The following TCP10L variants were observed in gnomAD, a reference collection of about 807,000 sequenced individuals.
TCP10L encodes the protein t-complex 10 like.
Under a neutral mutation model 19.2 loss-of-function variants are expected in TCP10L, and 11 were observed. That is an observed-to-expected ratio of 0.57 (90% CI 0.36 to 0.95). TCP10L has a LOEUF of 0.95. Among genes scored for constraint, TCP10L ranks in the 40% least tolerant of loss-of-function variants. The pLI is 0.01. For missense variants in TCP10L, 247 were observed against 263.9 expected (o/e 0.94, Z 0.44); for synonymous variants, 96 against 97.2 (o/e 0.99, Z 0.07).
chr21:32,583,355 C>G (rs1000120043), intron 2 of TCP10L, among the ~76,000 whole-genome samples: 1 of 151,516 alleles, frequency 6.6e-6, no homozygotes, highest in Non-Finnish European at 1.5e-5. Context: ...TTTGGGAGGC[C>G]GAGGCGGGCG....
chr21:32,582,466 C>A lies in TCP10L; in HGVS notation c.145-51G>T. Reference sequence around the variant, plus strand: ...AAAACCTCTCAGATGTCACAATGGGCACATTTATCTGCAAAATACTCAAGC... The same window carrying A: ...AAAACCTCTCAGATGTCACAATGGGAACATTTATCTGCAAAATACTCAAGC... On this transcript the variant is annotated intron_variant, in intron 2 of 4. Transcript: ENST00000300258. The surrounding 1 kb of genome is among the most constrained non-coding windows in gnomAD (Gnocchi z 4.2). 1 of 1,549,092 alleles carries A rather than the reference C, an allele frequency of 6.5e-7. No homozygotes were observed.
At position 32,573,877 on chromosome 21, in the gene TCP10L, C is replaced by G. The variant is rs973615908; in HGVS notation, c.*2897G>C. Among the ~76,000 whole-genome samples the G allele has an allele frequency of 2.6e-5, 4 of 152,166 alleles. No individual in the cohort carries two copies. The highest frequency in any genetic ancestry group is 9.7e-5 in the African/African-American group (4 of 41,436). On this transcript the variant is annotated 3_prime_UTR_variant, in exon 5 of 5. Transcript: ENST00000300258. ...AACATACAAATAACACCTGCCATGACTGTGGCACTGTTTCTAAATGCAGAT... is the reference window on the plus strand; with the variant it reads ...AACATACAAATAACACCTGCCATGAGTGTGGCACTGTTTCTAAATGCAGAT...
chr21:32,582,084 C>T lies in TCP10L; in HGVS notation c.360+116G>A, dbSNP rs2038500699. 1 of 1,208,822 alleles carries T rather than the reference C, an allele frequency of 8.3e-7. No homozygotes were observed. The highest frequency in any genetic ancestry group is 1.2e-6 in the Non-Finnish European group (1 of 850,700). 74.9% of individuals were successfully genotyped at this position (1,208,822 alleles called of 1,614,324 possible). ...GTTGATGGAAAGATAGCAACCCCTC[C>T]CACCACCCGGAGCGTGAGTGATACC... On this transcript the variant is annotated intron_variant, in intron 3 of 4. Transcript: ENST00000300258. The surrounding 1 kb of genome is among the most constrained non-coding windows in gnomAD (Gnocchi z 4.2).
intron 2 of TCP10L, among the ~76,000 whole-genome samples, chr21:32,583,043 T>C (rs2038514325): frequency 8.4e-6 from 1 of 118,844 alleles, no homozygotes; most frequent in Non-Finnish European, 1.8e-5. Flanking sequence ...TTTTTTTTTT[T>C]TTTTTTTTTG....
rs1480649059 is a variant in TCP10L, at chr21:32,582,992, T to A, written c.145-577A>T. Among the ~76,000 whole-genome samples, 1 of 149,818 alleles carries A rather than the reference T, an allele frequency of 6.7e-6. No homozygotes were observed. Among genetic ancestry groups the A allele is most frequent in the African/African-American group, 2.4e-5 (1 of 40,828 alleles). ...AATTATGATTTTTTTGTTAAAACAC[T>A]ACTACAGCAAAAAGAGGCTGGCATT... On this transcript the variant is annotated intron_variant, in intron 2 of 4. Coordinates refer to ENST00000300258, the MANE Select transcript of TCP10L (RefSeq NM_144659.7). This position sits in a 1 kb window ranked among gnomAD's most constrained non-coding sequence, Gnocchi z 4.2.
At chr21:32,579,931 T>C (rs2038473393) in intron 3 of TCP10L, among the ~76,000 whole-genome samples, 1 of 152,104 alleles carries the variant, frequency 6.6e-6, no homozygotes. Context: ...TGCTCTTCCT[T>C]CCGCAGAAGG....
rs1302696002 is a variant in TCP10L, at chr21:32,574,412, G to GAC, written c.*2360_*2361dup. Among the ~76,000 whole-genome samples the GAC allele has an allele frequency of 6.6e-6, 1 of 152,178 alleles. No homozygotes were observed. Among genetic ancestry groups the GAC allele is most frequent in the East Asian group, 1.9e-4 (1 of 5,198 alleles). On this transcript the variant is annotated 3_prime_UTR_variant, in exon 5 of 5. Coordinates refer to ENST00000300258, the MANE Select transcript of TCP10L (RefSeq NM_144659.7). Reference sequence around the variant, plus strand: ...AAGGCTGAACCTCAGGAAATAAAGAGACATTTGGAATCATCTTAATTTTCT... The same window carrying GAC: ...AAGGCTGAACCTCAGGAAATAAAGAGACACATTTGGAATCATCTTAATTTTCT...
Position 32,582,357 on chromosome 21 carries a change from C to G in TCP10L, c.203G>C (p.Trp68Ser), listed in dbSNP as rs776304208. 1.2e-6 allele frequency: 2 copies of G among 1,613,958 alleles called. No homozygotes were observed. The highest frequency in any genetic ancestry group is 1.7e-6 in the Non-Finnish European group (2 of 1,180,004). Reference sequence around the variant, plus strand: ...CCGGAGTTTTCCATGAACATCAGCCCACAGAGACTTCTGTCTCCCAAGCTC... The same window carrying G: ...CCGGAGTTTTCCATGAACATCAGCCGACAGAGACTTCTGTCTCCCAAGCTC... ...HQELGRQKSL[W>S]ADVHGKLRSH... The change falls in exon 3 of 5, where the codon TGG becomes TCG. Residue 68 changes from tryptophan (W) to serine (S), a missense_variant. Transcript: ENST00000300258. This position sits in a 1 kb window ranked among gnomAD's most constrained non-coding sequence, Gnocchi z 4.2.
rs1436058379 is a variant in TCP10L at position 32,582,757 on chromosome 21, T to C, written c.145-342A>G. Among the ~76,000 whole-genome samples the C allele has an allele frequency of 6.6e-6, 1 of 152,024 alleles. No individual in the cohort carries two copies. Among genetic ancestry groups the C allele is most frequent in the Non-Finnish European group, 1.5e-5 (1 of 68,026 alleles). ...ACAGGCATGTGCCACCATACTTCGC[T>C]AATTTTTGTATTTTTACTCGGGATG... is the stretch of plus-strand genomic sequence containing the variant. On this transcript the variant is annotated intron_variant, in intron 2 of 4. Coordinates refer to ENST00000300258, the MANE Select transcript of TCP10L (RefSeq NM_144659.7). This position sits in a 1 kb window ranked among gnomAD's most constrained non-coding sequence, Gnocchi z 4.2.
At position 32,585,451 on chromosome 21, in the gene TCP10L, C is replaced by G. The variant is rs991132008; in HGVS notation, c.-32G>C. On this transcript the variant is annotated 5_prime_UTR_variant, in exon 1 of 5. It removes the in-frame stop codon of an upstream open reading frame in the 5' UTR. Coordinates refer to ENST00000300258, the MANE Select transcript of TCP10L (RefSeq NM_144659.7). ...CCCCAACAGTCACTACTGCCAGGATCAGATCATCTGGGCCATGTCCCCACA... is the reference window on the plus strand; with the variant it reads ...CCCCAACAGTCACTACTGCCAGGATGAGATCATCTGGGCCATGTCCCCACA... 1.2e-5 allele frequency: 2 copies of G among 162,644 alleles called. No homozygotes were observed. The highest frequency in any genetic ancestry group is 2.4e-5 in the African/African-American group (1 of 41,602). The allele number at this position is 162,644 out of a possible 1,614,324, so 10.1% of individuals were successfully genotyped here. A position where few individuals can be genotyped will look rare whatever the true frequency, so the allele number is the denominator to read the frequency against.
rs899208953 is a variant in TCP10L at position 32,575,608 on chromosome 21, C to G, written c.*1166G>C. 18 of 153,180 alleles carry G rather than the reference C, an allele frequency of 1.2e-4. No individual in the cohort carries two copies. The highest frequency in any genetic ancestry group is 1.0e-3 in the Admixed American group (16 of 15,294). The allele number at this position is 153,180 out of a possible 1,614,324, so 9.5% of individuals were successfully genotyped here. ...CTGAAGCTCGGCCACACCTGAGGCT[C>G]GGCCACCACATAGGCCCCGTTTCTT... On this transcript the variant is annotated 3_prime_UTR_variant, in exon 5 of 5. Transcript: ENST00000300258.
chr21:32,576,763 C>A lies in TCP10L; in HGVS notation c.*11G>T, dbSNP rs766611195. The A allele has an allele frequency of 8.1e-6, 13 of 1,611,618 alleles. No homozygotes were observed. The African/African-American group carries it at 1.2e-4, about 15-fold the overall frequency. ...AGAGTGACACAGGTGTCCGAGGCCA[C>A]CTTTCCATCTTCAGACACCCCCCCG... On this transcript the variant is annotated 3_prime_UTR_variant, in exon 5 of 5. Coordinates refer to ENST00000300258, the MANE Select transcript of TCP10L (RefSeq NM_144659.7).
chr21:32,583,707 T>C (rs1376561865), intron 2 of TCP10L, among the ~76,000 whole-genome samples: 1 of 151,462 alleles, frequency 6.6e-6, no homozygotes, highest in Non-Finnish European at 1.5e-5. Context: ...GCTCTGAGAA[T>C]AAGTGGGATC....
Position 32,582,824 on chromosome 21 carries a change from C to T in TCP10L, c.145-409G>A, listed in dbSNP as rs774271600. Among the ~76,000 whole-genome samples the T allele has an allele frequency of 3.3e-5, 5 of 151,554 alleles. No homozygotes were observed. The highest frequency in any genetic ancestry group is 7.4e-5 in the Non-Finnish European group (5 of 67,898). On this transcript the variant is annotated intron_variant, in intron 2 of 4. Transcript: ENST00000300258. This position sits in a 1 kb window ranked among gnomAD's most constrained non-coding sequence, Gnocchi z 4.2. ...CCCAGACTGGTCTCAAACTCCTGGGCTCAAGCAATCCACCTGCCTCGGCCT... is the reference window on the plus strand; with the variant it reads ...CCCAGACTGGTCTCAAACTCCTGGGTTCAAGCAATCCACCTGCCTCGGCCT...
At position 32,582,267 on chromosome 21, in the gene TCP10L, AGCT is replaced by A; in HGVS notation, c.290_292del (p.Gln97del). 1 of 1,614,178 alleles carries A rather than the reference AGCT, an allele frequency of 6.2e-7. No individual in the cohort carries two copies. The highest frequency in any genetic ancestry group is 8.5e-7 in the Non-Finnish European group (1 of 1,180,040). Reference sequence around the variant, plus strand: ...TTTCTTCCTGGCTTTCCACCGCTGCAGCTGCAGAGCTCTCAGCTTTTCTCGGAG... The same window carrying A: ...TTTCTTCCTGGCTTTCCACCGCTGCAGCAGAGCTCTCAGCTTTTCTCGGAG... On this transcript the variant is annotated inframe_deletion, in exon 3 of 5. Coordinates refer to ENST00000300258, the MANE Select transcript of TCP10L (RefSeq NM_144659.7). The surrounding 1 kb of genome is among the most constrained non-coding windows in gnomAD (Gnocchi z 4.2).
chr21:32,582,291 C>T lies in TCP10L; in HGVS notation c.269G>A (p.Arg90Gln), dbSNP rs151233771. The T allele has an allele frequency of 1.4e-5, 23 of 1,614,156 alleles. No individual in the cohort carries two copies. The highest frequency in any genetic ancestry group is 1.9e-5 in the Non-Finnish European group (22 of 1,180,040). Residue 90 changes from arginine (R) to glutamine (Q), a missense_variant, in exon 3 of 5, where the codon CGA (arginine) becomes CAA (glutamine). Arg to Gln is a conservative substitution (Grantham distance 43, BLOSUM62 1). Coordinates refer to ENST00000300258, the MANE Select transcript of TCP10L (RefSeq NM_144659.7). This position sits in a 1 kb window ranked among gnomAD's most constrained non-coding sequence, Gnocchi z 4.2. ...DALREQNMEL[R>Q]EKLRALQLQR... Reference sequence around the variant, plus strand: ...CAGCTGCAGAGCTCTCAGCTTTTCTCGGAGCTCCATGTTCTGCTCCCTCAA... The same window carrying T: ...CAGCTGCAGAGCTCTCAGCTTTTCTTGGAGCTCCATGTTCTGCTCCCTCAA...
Position 32,578,648 on chromosome 21 carries a change from A to T in TCP10L, c.498+46T>A. 1 of 1,590,408 alleles carries T rather than the reference A, an allele frequency of 6.3e-7. No individual in the cohort carries two copies. The highest frequency in any genetic ancestry group is 8.6e-7 in the Non-Finnish European group (1 of 1,169,178). ...GCTGATGGGATGTGTGTGTTTGGGT[A>T]CAGAACCTCTGCTTCTCTTTACAGA... On this transcript the variant is annotated intron_variant, in intron 4 of 4. Transcript: ENST00000300258. The surrounding 1 kb of genome is among the most constrained non-coding windows in gnomAD (Gnocchi z 4.2).
At position 32,585,009 on chromosome 21, in the gene TCP10L, C is replaced by T. The variant is rs1040154904; in HGVS notation, c.-2+412G>A. 3.3e-5 allele frequency among the ~76,000 whole-genome samples: 5 copies of T among 152,188 alleles called. No homozygotes were observed. In the East Asian group the frequency reaches 9.6e-4, roughly 29 times the overall value. ...AAGCTTTCCTGCAAGCCTGCAGGGT[C>T]GTCTCTGAAAGCTGCCTCCACCCCT... is the stretch of plus-strand genomic sequence containing the variant. On this transcript the variant is annotated intron_variant, in intron 1 of 4. Transcript: ENST00000300258.
Position 32,578,751 on chromosome 21 carries a change from A to AT in TCP10L, c.440dup (p.Asn147LysfsTer14). 2 of 1,614,196 alleles carry AT rather than the reference A, an allele frequency of 1.2e-6. No individual in the cohort carries two copies. Among genetic ancestry groups the AT allele is most frequent in the South Asian group, 1.1e-5 (1 of 91,070 alleles). ...TTTGTCCCAGGAGAGTGGCACTCTG[A>AT]TTCTTGTGGCCAGCGTATTTGGGTA... On this transcript the variant is annotated frameshift_variant, in exon 4 of 5. Transcript: ENST00000300258. LOFTEE classifies it high-confidence loss of function. The surrounding 1 kb of genome is among the most constrained non-coding windows in gnomAD (Gnocchi z 4.2).
Sources: allele counts gnomAD v4.1 joint callset (sites outside exome capture counted in the v4.1 genomes callset), GRCh38; gene constraint gnomAD v4.1.1; non-coding constraint Gnocchi (gnomAD v3.1); transcripts MANE v1.5; gene names NCBI Gene and HGNC (gene_info 2026-07-23, HGNC 2026-07-21).